Variants in GRIP1 observed in about 807,000 individuals in gnomAD.
GRIP1 encodes the protein glutamate receptor interacting protein 1.
In GRIP1, 45 loss-of-function variants were observed where a neutral mutation model predicts 129.9. That is an observed-to-expected ratio of 0.35 (90% CI 0.27 to 0.44). The LOEUF (loss-of-function observed/expected upper bound fraction) is 0.44. Ranked by LOEUF, GRIP1 falls within the 20% of genes least tolerant of loss-of-function variation. The pLI, the probability that GRIP1 is intolerant of heterozygous loss-of-function variation, is 1.00. For missense variants in GRIP1, 1,196 were observed against 1,396.8 expected (o/e 0.86, Z 2.29); for synonymous variants, 530 against 520.8 (o/e 1.02, Z -0.24).
intron 24 of GRIP1, among the ~76,000 whole-genome samples, chr12:66,352,164 G>A (rs747105864): frequency 1.4e-4 from 21 of 152,202 alleles, no homozygotes; most frequent in Non-Finnish European, 1.9e-4. Context: ...TTACATTCTA[G>A]TGGGCAACAC....
chr12:66,646,994 C>T (rs2032424467), intron 1 of GRIP1, among the ~76,000 whole-genome samples: 1 of 152,170 alleles, frequency 6.6e-6, no homozygotes, highest in Non-Finnish European at 1.5e-5. Flanking sequence ...CCTCATTTTC[C>T]AGATGAGAAA....
chr12:66,375,765 A>G (rs1438758760), intron 22 of GRIP1, among the ~76,000 whole-genome samples: 1 of 152,232 alleles, frequency 6.6e-6, no homozygotes, highest in Non-Finnish European at 1.5e-5. Context: ...CTGGGTGAAA[A>G]CAGAACCTGA....
chr12:66,648,529 T>C (rs866176543), intron 1 of GRIP1, among the ~76,000 whole-genome samples: 4 of 152,208 alleles, frequency 2.6e-5, no homozygotes, highest in South Asian at 2.1e-4. Context: ...AGCATTCCAG[T>C]GTGACTGATG....
At chr12:66,465,110 A>G (rs1373984088) in intron 8 of GRIP1, among the ~76,000 whole-genome samples, 165 bp downstream of exon 8, 2 of 151,728 alleles carry the variant, frequency 1.3e-5, no homozygotes, top group Non-Finnish European at 2.9e-5. Context: ...ATGACTGGCT[A>G]ATTTCTTGTA....
intron 1 of GRIP1, among the ~76,000 whole-genome samples, chr12:67,049,813 T>G (rs545631581): frequency 2.0e-5 from 3 of 151,892 alleles, no homozygotes; most frequent in African/African-American, 7.2e-5. Flanking sequence ...TTGAGATGAA[T>G]TGTCACTTAA....
intron 1 of GRIP1, among the ~76,000 whole-genome samples, chr12:66,882,249 C>T (rs1566063611): frequency 6.7e-6 from 1 of 150,140 alleles, no homozygotes; most frequent in African/African-American, 2.5e-5. Context: ...TCTATCAACA[C>T]GATGTTACAG....
At chr12:66,700,540 T>G (rs1242116086) in intron 1 of GRIP1, among the ~76,000 whole-genome samples, 1 of 151,922 alleles carries the variant, frequency 6.6e-6, no homozygotes, top group Non-Finnish European at 1.5e-5. Flanking sequence ...CTCAAACTCC[T>G]TGGCTTAAGT....
At chr12:66,656,220 T>C (rs1290170237) in intron 1 of GRIP1, among the ~76,000 whole-genome samples, 1 of 152,164 alleles carries the variant, frequency 6.6e-6, no homozygotes, top group Non-Finnish European at 1.5e-5. Context: ...TCTCTCTCTG[T>C]AGAATATGCA....
intron 1 of GRIP1, among the ~76,000 whole-genome samples, chr12:67,064,330 A>C (rs2043585332): frequency 6.6e-6 from 1 of 152,214 alleles, no homozygotes; most frequent in African/African-American, 2.4e-5. Context: ...AATTCTACAA[A>C]CTTCACCTCA....
chr12:66,870,743 T>C (rs886241138), intron 1 of GRIP1, among the ~76,000 whole-genome samples: 2 of 152,102 alleles, frequency 1.3e-5, no homozygotes, highest in African/African-American at 2.4e-5. Context: ...GACTGGTACA[T>C]GAACAACAGG....
intron 1 of GRIP1, among the ~76,000 whole-genome samples, chr12:66,749,010 T>C (rs1165741410): frequency 6.6e-6 from 1 of 152,192 alleles, no homozygotes; most frequent in African/African-American, 2.4e-5. Flanking sequence ...AGCAGACACT[T>C]AATAAACATT....
intron 5 of GRIP1, among the ~76,000 whole-genome samples, chr12:66,527,731 C>T (rs1317231825): frequency 1.3e-5 from 2 of 151,964 alleles, no homozygotes; most frequent in Admixed American, 1.3e-4. Flanking sequence ...TGCATGTTCT[C>T]ACTTATAAGT....
At chr12:67,067,488 C>T (rs914060241) in intron 1 of GRIP1, among the ~76,000 whole-genome samples, 1 of 152,148 alleles carries the variant, frequency 6.6e-6, no homozygotes, top group South Asian at 2.1e-4. Flanking sequence ...CTATTTGCAA[C>T]TTTAAAGATA....
intron 1 of GRIP1, among the ~76,000 whole-genome samples, chr12:66,979,407 A>C (rs1244829557): frequency 1.3e-5 from 2 of 151,616 alleles, no homozygotes; most frequent in Non-Finnish European, 2.9e-5. Flanking sequence ...CCTAGTTTAT[A>C]TGGTAATAGC....
intron 11 of GRIP1, among the ~76,000 whole-genome samples, chr12:66,450,393 A>G (rs1277563805): frequency 6.7e-6 from 1 of 149,318 alleles, no homozygotes; most frequent in African/African-American, 2.4e-5. Context: ...TACTAGATAT[A>G]GTGAAGCCTT....
At chr12:66,497,003 C>T (rs1316713938) in intron 7 of GRIP1, among the ~76,000 whole-genome samples, 1 of 152,184 alleles carries the variant, frequency 6.6e-6, no homozygotes, top group Non-Finnish European at 1.5e-5. Context: ...TGGAGTTCTT[C>T]AGGGAAGAGT....
At chr12:66,686,046 G>C (rs1469906032) in intron 1 of GRIP1, among the ~76,000 whole-genome samples, 2 of 152,130 alleles carry the variant, frequency 1.3e-5, no homozygotes. Flanking sequence ...ATGGAAAAGA[G>C]GACGCTCATA....
At chr12:66,943,699 C>T (rs1210230081) in intron 1 of GRIP1, among the ~76,000 whole-genome samples, 1 of 152,158 alleles carries the variant, frequency 6.6e-6, no homozygotes, top group East Asian at 1.9e-4. Flanking sequence ...TTTTAAATCT[C>T]TGGACCATAG....
intron 1 of GRIP1, among the ~76,000 whole-genome samples, chr12:66,915,298 A>T (rs2041102066): frequency 6.6e-6 from 1 of 152,214 alleles, no homozygotes; most frequent in Non-Finnish European, 1.5e-5. Context: ...ACTGTTTGGT[A>T]AATGCCTATT....
Sources: gnomAD v4.1 joint callset for allele counts (sites outside exome capture counted in the v4.1 genomes callset) on GRCh38, gnomAD v4.1.1 for gene constraint, MANE v1.5 for transcripts, NCBI Gene and HGNC (gene_info 2026-07-23, HGNC 2026-07-21) for gene names.